The following FRAS1 variants were observed in gnomAD, a reference collection of about 807,000 sequenced individuals.
FRAS1 encodes extracellular matrix organizing protein FRAS1.
A neutral mutation model predicts 435.2 loss-of-function variants in FRAS1; 290 were observed. That is an observed-to-expected ratio of 0.67 (90% CI 0.61 to 0.73). The LOEUF (loss-of-function observed/expected upper bound fraction) is 0.73, where lower values mean the gene tolerates loss of function less well. Ranked by LOEUF, FRAS1 falls within the 30% of genes least tolerant of loss-of-function variation. The pLI is 0.00. For missense variants in FRAS1, 4,860 were observed against 5,001.5 expected (o/e 0.97, Z 0.85); for synonymous variants, 1,800 against 1,851.0 (o/e 0.97, Z 0.71).
chr4:78,407,889 C>G, intron 31 of FRAS1, 48 bp downstream of exon 31: 1 of 1,454,456 alleles, frequency 6.9e-7, no homozygotes, highest in Non-Finnish European at 9.2e-7. Flanking sequence ...ATCCAATAAT[C>G]CAATCGCTCT....
intron 2 of FRAS1, among the ~76,000 whole-genome samples, chr4:78,129,073 G>A (rs58858744): frequency 0.061 from 9,224 of 152,112 alleles, 758 homozygotes; most frequent in African/African-American, 0.19. Context: ...GTAGATATGC[G>A]GCATTATTTC....
At chr4:78,112,644 T>C (rs1330323030) in intron 2 of FRAS1, among the ~76,000 whole-genome samples, 2 of 152,116 alleles carry the variant, frequency 1.3e-5, no homozygotes, top group South Asian at 2.1e-4. Context: ...ACATGGCTAC[T>C]TATTTCTTAG....
chr4:78,096,341 G>A (rs972569022), intron 2 of FRAS1, among the ~76,000 whole-genome samples: 4 of 152,182 alleles, frequency 2.6e-5, no homozygotes, highest in Admixed American at 2.6e-4. Flanking sequence ...GGCAAATGGT[G>A]CAAGCTGTTG....
At chr4:78,241,273 AC>A (rs887874695) in intron 3 of FRAS1, among the ~76,000 whole-genome samples, 1 of 152,060 alleles carries the variant, frequency 6.6e-6, no homozygotes, top group Non-Finnish European at 1.5e-5. Flanking sequence ...CCCTATTCAT[AC>A]CCCTTGACTA....
At chr4:78,058,203 A>G in intron 1 of FRAS1, 118 bp downstream of exon 1, 1 of 857,264 alleles carries the variant, frequency 1.2e-6, no homozygotes. Flanking sequence ...GTGAGGTGGA[A>G]GTTTTTCTGG....
intron 14 of FRAS1, among the ~76,000 whole-genome samples, chr4:78,297,637 G>C (rs1728196846): frequency 6.6e-6 from 1 of 152,046 alleles, no homozygotes; most frequent in Non-Finnish European, 1.5e-5. Flanking sequence ...GAAAAGTCAG[G>C]GACCTTACCA....
chr4:78,159,338 C>A (rs1410706179), intron 2 of FRAS1, among the ~76,000 whole-genome samples: 1 of 152,062 alleles, frequency 6.6e-6, no homozygotes, highest in Non-Finnish European at 1.5e-5. Context: ...GGTGTGGATA[C>A]AAGAGTGAGT....
chr4:78,323,528 T>G (rs1257220489), intron 18 of FRAS1, among the ~76,000 whole-genome samples: 2 of 152,242 alleles, frequency 1.3e-5, no homozygotes, highest in African/African-American at 4.8e-5. Flanking sequence ...CATTTTTTAC[T>G]TTTTTATCAG....
chr4:78,488,477 C>G (rs1410837981), intron 58 of FRAS1, among the ~76,000 whole-genome samples: 1 of 152,176 alleles, frequency 6.6e-6, no homozygotes, highest in Non-Finnish European at 1.5e-5. Context: ...GTTTTCCTTA[C>G]TGTAGCCCTA....
chr4:78,089,178 G>A (rs28569892), intron 2 of FRAS1, among the ~76,000 whole-genome samples: 6 of 149,178 alleles, frequency 4.0e-5, no homozygotes, highest in African/African-American at 1.5e-4. Context: ...CTATCGCAAG[G>A]ACAAAAAACC....
chr4:78,084,196 G>A (rs1038427660), intron 2 of FRAS1, among the ~76,000 whole-genome samples: 3 of 151,796 alleles, frequency 2.0e-5, no homozygotes, highest in Non-Finnish European at 4.4e-5. Flanking sequence ...TTTTTTTGGG[G>A]GACCACATTC....
chr4:78,205,499 T>C (rs7688071), intron 2 of FRAS1, among the ~76,000 whole-genome samples: 104,041 of 152,082 alleles, frequency 0.68, 35,938 homozygotes, highest in African/African-American at 0.74. Context: ...CAGCCTAGAC[T>C]CTTTCAGTGT....
chr4:78,509,859 AT>A (rs1401770121), intron 63 of FRAS1, among the ~76,000 whole-genome samples: 1 of 152,246 alleles, frequency 6.6e-6, no homozygotes, highest in African/African-American at 2.4e-5. Context: ...ATATCACTGA[AT>A]GATTTTAGAC....
intron 7 of FRAS1, among the ~76,000 whole-genome samples, chr4:78,266,457 C>G (rs898804322): frequency 6.6e-6 from 1 of 152,200 alleles, no homozygotes; most frequent in Non-Finnish European, 1.5e-5. Flanking sequence ...GCAAGGGAAG[C>G]TGGCAAAGTG....
chr4:78,441,012 A>C (rs1734635882), intron 40 of FRAS1, 150 bp from the exon 41 acceptor site: 1 of 669,936 alleles, frequency 1.5e-6, no homozygotes, highest in Admixed American at 2.8e-5. Flanking sequence ...CAGCATACAC[A>C]TTCCTCATCT....
intron 59 of FRAS1, among the ~76,000 whole-genome samples, chr4:78,491,392 C>T (rs191464872): frequency 1.5e-3 from 225 of 152,238 alleles, no homozygotes; most frequent in African/African-American, 5.2e-3. Flanking sequence ...AACATCAATG[C>T]GAAAATACTC....
chr4:78,141,381 C>A (rs769682065), intron 2 of FRAS1, among the ~76,000 whole-genome samples: 1 of 152,134 alleles, frequency 6.6e-6, no homozygotes, highest in Admixed American at 6.6e-5. Flanking sequence ...TTTGAGATTT[C>A]ATTTTAAATA....
intron 2 of FRAS1, among the ~76,000 whole-genome samples, chr4:78,116,518 A>G (rs181893197): frequency 3.3e-5 from 5 of 152,232 alleles, no homozygotes; most frequent in Admixed American, 2.0e-4. Flanking sequence ...GTGCTCCTGT[A>G]TTGGGTTCAT....
At chr4:78,119,685 G>A (rs968007327) in intron 2 of FRAS1, among the ~76,000 whole-genome samples, 2 of 152,130 alleles carry the variant, frequency 1.3e-5, no homozygotes, top group African/African-American at 4.8e-5. Context: ...TTACCTTATA[G>A]TTTATTAGGG....
Sources: gnomAD v4.1 joint callset for allele counts (sites outside exome capture counted in the v4.1 genomes callset) on GRCh38, gnomAD v4.1.1 for gene constraint, MANE v1.5 for transcripts, NCBI Gene and HGNC (gene_info 2026-07-23, HGNC 2026-07-21) for gene names.